Variants in NPAS2 observed in about 807,000 individuals in gnomAD.
NPAS2 encodes the protein neuronal PAS domain protein 2.
NPAS2 carries 23 observed loss-of-function variants against 107.5 expected under a neutral mutation model. The ratio of observed to expected loss-of-function variants is 0.21; its 90% CI spans 0.15 to 0.30. The LOEUF is 0.30. NPAS2 is among the 10% of genes least tolerant of loss of function. The pLI is 1.00. For synonymous variants in NPAS2, 403 were observed against 417.5 expected (o/e 0.97, Z 0.42); for missense variants, 756 against 1,043.3 (o/e 0.72, Z 3.79).
chr2:100,978,377 C>A (rs1055816486), intron 15 of NPAS2, among the ~76,000 whole-genome samples: 4 of 152,152 alleles, frequency 2.6e-5, no homozygotes, highest in Non-Finnish European at 5.9e-5. Context: ...CACCTCTTTG[C>A]CACTTTTCCA....
chr2:100,953,081 T>A (rs1340866482), intron 7 of NPAS2, among the ~76,000 whole-genome samples: 1 of 134,074 alleles, frequency 7.5e-6, no homozygotes, highest in Non-Finnish European at 1.7e-5. Context: ...TTTCTCAGGT[T>A]AAACCCTATA....
chr2:100,901,592 G>A (rs1681782647), intron 1 of NPAS2: 1 of 975,806 alleles, frequency 1.0e-6, no homozygotes, highest in Non-Finnish European at 1.2e-6. Context: ...GATGCAGCAG[G>A]AGATCAGAGG....
At chr2:100,939,773 G>C (rs1674469183) in intron 5 of NPAS2, among the ~76,000 whole-genome samples, 1 of 152,214 alleles carries the variant, frequency 6.6e-6, no homozygotes, top group African/African-American at 2.4e-5. Context: ...TGATGACCCA[G>C]TTGCTGTACG....
intron 1 of NPAS2, among the ~76,000 whole-genome samples, chr2:100,900,255 A>C (rs1021666594): frequency 6.6e-6 from 1 of 152,200 alleles, no homozygotes; most frequent in African/African-American, 2.4e-5. Flanking sequence ...TATGATGAAG[A>C]CTAACAGTCC....
chr2:100,827,585 A>T (rs963859954), intron 1 of NPAS2, among the ~76,000 whole-genome samples: 5 of 152,108 alleles, frequency 3.3e-5, no homozygotes, highest in Non-Finnish European at 7.4e-5. Context: ...TGCCATCTTT[A>T]TGTCCACAAG....
chr2:100,827,999 A>T (rs1310016358), intron 1 of NPAS2, among the ~76,000 whole-genome samples: 3 of 152,224 alleles, frequency 2.0e-5, no homozygotes, highest in Non-Finnish European at 4.4e-5. Flanking sequence ...TCCAAACTGC[A>T]TTCCACAGTG....
chr2:100,956,584 G>A (rs749609800), intron 7 of NPAS2, among the ~76,000 whole-genome samples: 44 of 152,154 alleles, frequency 2.9e-4, no homozygotes, highest in African/African-American at 8.5e-4. Context: ...CGGCTAACGC[G>A]CTCTCTTCTT....
chr2:100,822,091 A>C (rs915831688), intron 1 of NPAS2, among the ~76,000 whole-genome samples: 1 of 152,098 alleles, frequency 6.6e-6, no homozygotes, highest in Non-Finnish European at 1.5e-5. Context: ...GCCTCTATTT[A>C]TTTGCTGATC....
intron 1 of NPAS2, among the ~76,000 whole-genome samples, chr2:100,886,825 C>T (rs943945847): frequency 5.9e-5 from 9 of 152,208 alleles, no homozygotes; most frequent in Non-Finnish European, 1.0e-4. Context: ...GAAATGATGT[C>T]AGCTCTTTCC....
intron 1 of NPAS2, among the ~76,000 whole-genome samples, chr2:100,884,939 T>TAC (rs1491296863): frequency 1.4e-5 from 2 of 143,284 alleles, no homozygotes; most frequent in Non-Finnish European, 3.0e-5. Flanking sequence ...TAAGATCCTT[T>TAC]ATATATATAT....
intron 7 of NPAS2, among the ~76,000 whole-genome samples, chr2:100,962,360 C>G (rs1267412644): frequency 6.6e-6 from 1 of 152,066 alleles, no homozygotes; most frequent in Non-Finnish European, 1.5e-5. Flanking sequence ...GAAAATCTTG[C>G]AGATTTCATT....
At chr2:100,863,900 G>A (rs1051046762) in intron 1 of NPAS2, among the ~76,000 whole-genome samples, 4 of 152,170 alleles carry the variant, frequency 2.6e-5, no homozygotes, top group Non-Finnish European at 5.9e-5. Context: ...TCCTCCATCA[G>A]TATAAGCTTT....
At chr2:100,926,589 T>C (rs1367916146) in intron 3 of NPAS2, among the ~76,000 whole-genome samples, 5 of 152,220 alleles carry the variant, frequency 3.3e-5, no homozygotes, top group African/African-American at 1.2e-4. Flanking sequence ...TATTTGTGTA[T>C]CTTCTTTGGA....
chr2:100,966,377 G>GA (rs1001525841), intron 10 of NPAS2, among the ~76,000 whole-genome samples: 1 of 152,122 alleles, frequency 6.6e-6, no homozygotes, highest in Admixed American at 6.5e-5. Context: ...ATGTATGGGG[G>GA]ATGGGACTTA....
intron 2 of NPAS2, among the ~76,000 whole-genome samples, chr2:100,906,023 G>T (rs915576136): frequency 6.6e-6 from 1 of 152,346 alleles, no homozygotes; most frequent in South Asian, 2.1e-4. Flanking sequence ...ATGGCCAGAA[G>T]TGTAGACAGA....
At chr2:100,914,344 T>A (rs1285053236) in intron 2 of NPAS2, among the ~76,000 whole-genome samples, 1 of 152,196 alleles carries the variant, frequency 6.6e-6, no homozygotes, top group Non-Finnish European at 1.5e-5. Context: ...AACCCTCCTC[T>A]GGATTCCAGA....
chr2:100,826,236 G>A (rs910618543), intron 1 of NPAS2, among the ~76,000 whole-genome samples: 1 of 152,206 alleles, frequency 6.6e-6, no homozygotes, highest in Non-Finnish European at 1.5e-5. Flanking sequence ...GAGGTCAGGA[G>A]TTCGAGACAA....
chr2:100,946,766 G>A (rs1175956737), intron 5 of NPAS2, among the ~76,000 whole-genome samples: 2 of 152,186 alleles, frequency 1.3e-5, no homozygotes, highest in East Asian at 1.9e-4. Context: ...GAGGATGGGG[G>A]TCTGGACTAG....
At chr2:100,910,523 CTTT>C (rs5832943) in intron 2 of NPAS2, among the ~76,000 whole-genome samples, 5 of 138,414 alleles carry the variant, frequency 3.6e-5, no homozygotes, top group Admixed American at 7.1e-5. Flanking sequence ...ATGACATCTT[CTTT>C]TTTTTTTTTT....
Sources: allele counts gnomAD v4.1 joint callset (sites outside exome capture counted in the v4.1 genomes callset), GRCh38; gene constraint gnomAD v4.1.1; transcripts MANE v1.5; gene names NCBI Gene and HGNC (gene_info 2026-07-23, HGNC 2026-07-21).